The following BIVM variants were observed in gnomAD, a reference collection of about 807,000 sequenced individuals.
The protein encoded by BIVM is basic, immunoglobulin-like variable motif containing.
BIVM carries 31 observed loss-of-function variants against 61.4 expected under a neutral mutation model. The ratio of observed to expected loss-of-function variants is 0.51; its 90% CI spans 0.38 to 0.68. The LOEUF (loss-of-function observed/expected upper bound fraction) is 0.68. Among genes scored for constraint, BIVM ranks in the 30% least tolerant of loss-of-function variants. The pLI is 0.00. For synonymous variants in BIVM, 189 were observed against 210.7 expected (o/e 0.90, Z 0.89); for missense variants, 526 against 596.0 (o/e 0.88, Z 1.22).
chr13:102,834,094 C>CTTCATTGCT (rs1161019076), intron 8 of BIVM, among the ~76,000 whole-genome samples: 2 of 152,124 alleles, frequency 1.3e-5, no homozygotes, highest in African/African-American at 2.4e-5. Flanking sequence ...TGTTTAAAGA[C>CTTCATTGCT]TTCATTGCTT....
intron 3 of BIVM, among the ~76,000 whole-genome samples, chr13:102,810,904 A>AT (rs1204993238): frequency 1.3e-5 from 2 of 151,916 alleles, no homozygotes; most frequent in Non-Finnish European, 2.9e-5. Context: ...AATTTTTAAT[A>AT]TTTTTTTGTA....
intron 9 of BIVM, among the ~76,000 whole-genome samples, chr13:102,836,834 A>G (rs1881509239): frequency 6.6e-6 from 1 of 152,188 alleles, no homozygotes; most frequent in South Asian, 2.1e-4. Context: ...ATTGTTGTTT[A>G]TACTAAATCC....
rs1281045220 is a variant in BIVM, at chr13:102,807,981, A to G, written c.478+236A>G. On this transcript the variant is annotated intron_variant, in intron 3 of 10. Transcript: ENST00000257336. This position sits in a 1 kb window ranked among gnomAD's most constrained non-coding sequence, Gnocchi z 4.0. The stretch of plus-strand genomic sequence containing the variant: ...AGCTTTGTATCAAATATTTTGAGAG[A>G]TTTGAAAATCTAATAATGTAAAATA... 6.6e-6 allele frequency among the ~76,000 whole-genome samples: 1 copy of G among 152,156 alleles called. No homozygotes were observed. The highest frequency in any genetic ancestry group is 6.5e-5 in the Admixed American group (1 of 15,272).
chr13:102,827,789 G>A (rs530217413), intron 7 of BIVM, among the ~76,000 whole-genome samples: 38 of 152,100 alleles, frequency 2.5e-4, no homozygotes, highest in Non-Finnish European at 5.1e-4. Flanking sequence ...TGATGCCCAC[G>A]ACATTACACG....
At chr13:102,804,411 G>T (rs1878929659) in intron 1 of BIVM, among the ~76,000 whole-genome samples, 1 of 152,154 alleles carries the variant, frequency 6.6e-6, no homozygotes, top group Admixed American at 6.5e-5. Flanking sequence ...CCTGGGTTCA[G>T]GCCGTTCTCC....
At chr13:102,821,652 C>T (rs1880294426) in intron 5 of BIVM, 91 bp from the exon 6 acceptor site, 2 of 1,053,498 alleles carry the variant, frequency 1.9e-6, no homozygotes, top group African/African-American at 3.3e-5. Context: ...ATATTATTTG[C>T]AAATCAGACA....
At chr13:102,812,019 G>C (rs1192543288) in intron 3 of BIVM, among the ~76,000 whole-genome samples, 1 of 151,954 alleles carries the variant, frequency 6.6e-6, no homozygotes, top group Non-Finnish European at 1.5e-5. Flanking sequence ...TGTATAGGTT[G>C]GTCCACTCGA....
intron 7 of BIVM, among the ~76,000 whole-genome samples, chr13:102,829,504 A>G (rs1880909721): frequency 6.6e-6 from 1 of 152,142 alleles, no homozygotes; most frequent in Non-Finnish European, 1.5e-5. Context: ...CTTCTCATAC[A>G]CAGAATTACT....
In BIVM at chr13:102,801,610, A is replaced by C. The variant is rs373860413; in HGVS notation, c.-207+2089A>C. The C allele has an allele frequency of 9.8e-5, 15 of 152,300 alleles. No homozygotes were observed. The East Asian group carries it at 2.5e-3, about 25-fold the overall frequency. The allele number at this position is 152,300 out of a possible 1,614,324, so 9.4% of individuals were successfully genotyped here. ...CTGGAAGAGGGAACCGCAATCAATC[A>C]AAATGAGGGCCTACAGTAATGCCTG... is the stretch of plus-strand genomic sequence containing the variant. On this transcript the variant is annotated intron_variant, in intron 1 of 10. Coordinates refer to ENST00000257336, the MANE Select transcript of BIVM (RefSeq NM_017693.4).
At chr13:102,823,460 A>G (rs1880436180) in intron 7 of BIVM, among the ~76,000 whole-genome samples, 1 of 152,232 alleles carries the variant, frequency 6.6e-6, no homozygotes, top group African/African-American at 2.4e-5. Context: ...ACATACTTGT[A>G]ATGTACTTAG....
intron 7 of BIVM, among the ~76,000 whole-genome samples, chr13:102,827,508 C>T (rs1168965420): frequency 3.3e-5 from 5 of 151,646 alleles, no homozygotes; most frequent in African/African-American, 4.9e-5. Flanking sequence ...GTGTGCATTT[C>T]CTGAAGGATA....
rs1880240337 is a variant in BIVM at position 102,821,037 on chromosome 13, G to T, written c.606G>T (p.Trp202Cys). The T allele has an allele frequency of 6.2e-7, 1 of 1,609,442 alleles. No individual in the cohort carries two copies. Among genetic ancestry groups the T allele is most frequent in the Non-Finnish European group, 8.5e-7 (1 of 1,178,948 alleles). ...AGAAAACAGTCTTTTGTGTTCTCAG[G>T]TACTGCATAAGCCGACCACAGTATA... ...KQRKVLDLRRWYCISRPQYKT... is the reference protein window; with the variant it reads ...KQRKVLDLRRCYCISRPQYKT... Residue 202 changes from tryptophan (W) to cysteine (C), a missense_variant and splice_region_variant, in exon 5 of 11, where the codon TGG (tryptophan) becomes TGT (cysteine). By Grantham distance (215) the Trp-to-Cys change is radical (BLOSUM62 -2). This residue lies in a region of BIVM where 312 missense variants were observed against 343.8 expected (regional missense o/e 0.91). Transcript: ENST00000257336.
intron 7 of BIVM, among the ~76,000 whole-genome samples, chr13:102,823,490 A>T (rs2139213478): frequency 6.6e-6 from 1 of 152,338 alleles, no homozygotes; most frequent in African/African-American, 2.4e-5. Context: ...TTACAGAGTA[A>T]GGACTCAGTA....
intron 3 of BIVM, among the ~76,000 whole-genome samples, chr13:102,808,855 C>G (rs1252069292): frequency 6.6e-6 from 1 of 152,130 alleles, no homozygotes; most frequent in Non-Finnish European, 1.5e-5. Context: ...TGTTATCCCT[C>G]TAACATCTAA....
chr13:102,812,252 A>C (rs76215748), intron 3 of BIVM, among the ~76,000 whole-genome samples: 1 of 152,124 alleles, frequency 6.6e-6, no homozygotes, highest in African/African-American at 2.4e-5. Context: ...CTTCATTGAT[A>C]TTTCCATGTT....
In BIVM at chr13:102,839,754, G is replaced by C. The variant is rs1441085482; in HGVS notation, c.1401G>C (p.Arg467=). The C allele has an allele frequency of 6.2e-7, 1 of 1,614,168 alleles. No homozygotes were observed. Among genetic ancestry groups the C allele is most frequent in the Admixed American group, 1.7e-5 (1 of 60,024 alleles). The change falls in exon 11 of 11, where the codon CGG becomes CGC. Residue 467 remains arginine, a synonymous_variant. Coordinates refer to ENST00000257336, the MANE Select transcript of BIVM (RefSeq NM_017693.4). ...AGAAGCAGCATGGGCGTCTGGGCCG[G>C]TCTTTCAGTGCTAGTTTCCATCAGG... ...ISKKQHGRLG[R]SFSASFHQDS...
intron 9 of BIVM, among the ~76,000 whole-genome samples, chr13:102,837,690 A>G (rs1480460125): frequency 6.6e-6 from 1 of 152,246 alleles, no homozygotes; most frequent in African/African-American, 2.4e-5. Flanking sequence ...AAAATGTGGT[A>G]TGTATATTAC....
At chr13:102,802,714 C>T (rs1328891216) in intron 1 of BIVM, among the ~76,000 whole-genome samples, 1 of 150,234 alleles carries the variant, frequency 6.7e-6, no homozygotes, top group Non-Finnish European at 1.5e-5. Flanking sequence ...AAAACACAAA[C>T]AAACCAGACT....
chr13:102,833,901 T>C (rs1476975579), intron 8 of BIVM, among the ~76,000 whole-genome samples: 1 of 152,258 alleles, frequency 6.6e-6, no homozygotes, highest in African/African-American at 2.4e-5. Flanking sequence ...ACCTTATTTC[T>C]GACATTTATC....
Sources: allele counts gnomAD v4.1 joint callset (sites outside exome capture counted in the v4.1 genomes callset), GRCh38; gene constraint gnomAD v4.1.1; regional missense constraint gnomAD v4.1.1; non-coding constraint Gnocchi (gnomAD v3.1); transcripts MANE v1.5; gene names NCBI Gene and HGNC (gene_info 2026-07-23, HGNC 2026-07-21).